Variants in SAMMSON observed in about 807,000 individuals in gnomAD.
SAMMSON encodes the protein long intergenic non-protein coding RNA 1212.
At chr3:70,074,019 T>TTATTAC (rs763654744) in intron 4 of SAMMSON, among the ~76,000 whole-genome samples, 79 of 152,012 alleles carry the variant, frequency 5.2e-4, no homozygotes, top group Non-Finnish European at 1.0e-3. Context: ...CATATTATTA[T>TTATTAC]TATTACTATT....
chr3:70,012,605 C>T (rs1205802974), intron 2 of SAMMSON: 2 of 152,092 alleles, frequency 1.3e-5, no homozygotes, highest in Admixed American at 6.5e-5. Context: ...TAAGGTAATA[C>T]ATTTTTGTTT....
intron 4 of SAMMSON, among the ~76,000 whole-genome samples, chr3:70,111,997 G>T: frequency 6.6e-6 from 1 of 152,142 alleles, no homozygotes; most frequent in South Asian, 2.1e-4. Context: ...TTTTCCTGAA[G>T]GAAAGAATAG....
At chr3:70,184,083 G>A (rs1387800929) in intron 4 of SAMMSON, 2 of 152,250 alleles carry the variant, frequency 1.3e-5, no homozygotes, top group Non-Finnish European at 2.9e-5. Flanking sequence ...TGGGTCATTT[G>A]ATTTTCTCCG....
chr3:70,110,995 G>C (rs531709801), intron 4 of SAMMSON, among the ~76,000 whole-genome samples: 1 of 152,102 alleles, frequency 6.6e-6, no homozygotes, highest in Non-Finnish European at 1.5e-5. Flanking sequence ...TTGCCTGGGG[G>C]CCTCTCTTCC....
At chr3:70,195,310 T>C (rs138239297) in intron 4 of SAMMSON, among the ~76,000 whole-genome samples, 1 of 152,274 alleles carries the variant, frequency 6.6e-6, no homozygotes, top group Admixed American at 6.5e-5. Context: ...TCATGGAAGG[T>C]GTGGGGCACT....
intron 4 of SAMMSON, chr3:70,127,246 A>G (rs1273818526): frequency 6.6e-6 from 1 of 152,220 alleles, no homozygotes; most frequent in African/African-American, 2.4e-5. Context: ...AAATGTTTAC[A>G]TCCATACTTT....
At chr3:70,157,611 G>A (rs1310011745) in intron 4 of SAMMSON, among the ~76,000 whole-genome samples, 1 of 152,054 alleles carries the variant, frequency 6.6e-6, no homozygotes, top group Non-Finnish European at 1.5e-5. Flanking sequence ...GATTAAGAAT[G>A]TCTAGGGGTA....
intron 4 of SAMMSON, chr3:70,125,028 G>A: frequency 1.4e-6 from 1 of 720,848 alleles, no homozygotes; most frequent in Non-Finnish European, 2.5e-6. Flanking sequence ...GAAAGCCCTT[G>A]AAAGATACAG....
At chr3:70,223,552 TC>T (rs1057271541) in intron 4 of SAMMSON, among the ~76,000 whole-genome samples, 3 of 152,106 alleles carry the variant, frequency 2.0e-5, no homozygotes, top group Admixed American at 2.0e-4. Context: ...GCTGAGGTTG[TC>T]TCCCCCACCA....
At position 70,256,148 on chromosome 3, in the gene SAMMSON, G is replaced by A. The variant is rs534520274; in HGVS notation, n.674+6478G>A. On this transcript the variant is annotated intron_variant and non_coding_transcript_variant, in intron 6 of 9. Coordinates refer to ENST00000642114, the Ensembl canonical transcript of SAMMSON. ...GATTTTATCTATTGCTTTCCCCATG[G>A]TTACGAATGACTCTTTAAGATGGAT... Among the ~76,000 whole-genome samples, 8 of 152,248 alleles carry A rather than the reference G, an allele frequency of 5.3e-5. No homozygotes were observed. The South Asian group carries it at 1.7e-3, about 32-fold the overall frequency.
chr3:70,201,992 ATC>A (rs1302675655), intron 4 of SAMMSON, among the ~76,000 whole-genome samples: 2 of 152,110 alleles, frequency 1.3e-5, no homozygotes, highest in Non-Finnish European at 2.9e-5. Flanking sequence ...CTTTGCTTTT[ATC>A]TCTCTCTGAA....
At chr3:70,180,396 T>C (rs1701043244) in intron 4 of SAMMSON, among the ~76,000 whole-genome samples, 1 of 152,144 alleles carries the variant, frequency 6.6e-6, no homozygotes, top group Admixed American at 6.5e-5. Flanking sequence ...TACTCATATA[T>C]GTGTAACTGT....
chr3:70,122,580 G>A (rs561353054), intron 4 of SAMMSON, among the ~76,000 whole-genome samples: 10 of 152,074 alleles, frequency 6.6e-5, no homozygotes, highest in East Asian at 1.9e-4. Flanking sequence ...CATTATGAAC[G>A]TTTAAAACAG....
chr3:70,150,808 A>G (rs1261795904), intron 4 of SAMMSON, among the ~76,000 whole-genome samples: 7 of 152,058 alleles, frequency 4.6e-5, no homozygotes, highest in Non-Finnish European at 1.0e-4. Context: ...CCATTTAACA[A>G]TGGAGCCTGG....
At position 70,344,017 on chromosome 3, in the gene SAMMSON, T is replaced by A. The variant is rs564809617; in HGVS notation, n.740-10158T>A. On this transcript the variant is annotated intron_variant and non_coding_transcript_variant, in intron 7 of 9. Coordinates refer to ENST00000642114, the Ensembl canonical transcript of SAMMSON. Reference sequence around the variant, plus strand: ...GGTTCCCATGTTCCTTTGACAGACCTCCATTACTGGGGGTGTTTTGAGCAC... The same window carrying A: ...GGTTCCCATGTTCCTTTGACAGACCACCATTACTGGGGGTGTTTTGAGCAC... Among the ~76,000 whole-genome samples the A allele has an allele frequency of 1.4e-4, 22 of 152,090 alleles. No homozygotes were observed. The East Asian group carries it at 4.1e-3, about 28-fold the overall frequency.
chr3:70,306,205 G>A (rs1702398710), intron 7 of SAMMSON, among the ~76,000 whole-genome samples: 1 of 152,160 alleles, frequency 6.6e-6, no homozygotes, highest in Non-Finnish European at 1.5e-5. Flanking sequence ...CTAGTTTCAA[G>A]TGATTCTCCT....
At chr3:70,029,429 G>A (rs571571363) in intron 3 of SAMMSON, among the ~76,000 whole-genome samples, 3 of 152,038 alleles carry the variant, frequency 2.0e-5, no homozygotes, top group Non-Finnish European at 4.4e-5. Context: ...CTCCCATTTA[G>A]CCAGAAAGTA....
At chr3:70,259,476 C>T (rs867182419) in intron 6 of SAMMSON, among the ~76,000 whole-genome samples, 6 of 151,828 alleles carry the variant, frequency 4.0e-5, no homozygotes, top group South Asian at 2.1e-4. Context: ...GGAGGTAGCA[C>T]GCAAGCACTT....
At chr3:70,000,153 C>G (rs1379784796) in intron 1 of SAMMSON, among the ~76,000 whole-genome samples, 1 of 152,178 alleles carries the variant, frequency 6.6e-6, no homozygotes, top group African/African-American at 2.4e-5. Context: ...CAGTAACACA[C>G]GCCTGCTGGG....
Sources: allele counts gnomAD v4.1 joint callset (sites outside exome capture counted in the v4.1 genomes callset), GRCh38; gene constraint gnomAD v4.1.1; transcripts MANE v1.5; gene names NCBI Gene and HGNC (gene_info 2026-07-23, HGNC 2026-07-21).